The following PDE4B variants were observed in gnomAD, a reference collection of about 807,000 sequenced individuals.
PDE4B encodes the protein 3',5'-cyclic-AMP phosphodiesterase 4B.
In PDE4B, 20 loss-of-function variants were observed where a neutral mutation model predicts 82.2. That is an observed-to-expected ratio of 0.24 (90% CI 0.17 to 0.35). The LOEUF (loss-of-function observed/expected upper bound fraction) is 0.35. Among genes scored for constraint, PDE4B ranks in the 10% least tolerant of loss-of-function variants. PDE4B has a pLI of 1.00. For synonymous variants in PDE4B, 320 were observed against 318.9 expected (o/e 1.00, Z -0.04); for missense variants, 655 against 907.2 (o/e 0.72, Z 3.57).
intron 1 of PDE4B, among the ~76,000 whole-genome samples, chr1:65,800,151 A>G (rs34875040): frequency 0.096 from 14,592 of 152,222 alleles, 849 homozygotes; most frequent in South Asian, 0.15. Flanking sequence ...AAAAATTAAA[A>G]CCATAGAATG....
At chr1:66,147,462 A>G (rs1006709943) in intron 3 of PDE4B, among the ~76,000 whole-genome samples, 29 of 152,240 alleles carry the variant, frequency 1.9e-4, no homozygotes, top group African/African-American at 6.8e-4. Flanking sequence ...TGCACTGTCT[A>G]TGACACCAGC....
At chr1:65,948,288 A>C (rs898720684) in intron 3 of PDE4B, among the ~76,000 whole-genome samples, 2 of 151,780 alleles carry the variant, frequency 1.3e-5, no homozygotes, top group Non-Finnish European at 1.5e-5. Flanking sequence ...GTAATGTATT[A>C]GTCAGGGTTC....
intron 3 of PDE4B, among the ~76,000 whole-genome samples, chr1:65,990,426 T>C (rs559688095): frequency 2.6e-4 from 40 of 151,704 alleles, no homozygotes; most frequent in African/African-American, 9.4e-4. Flanking sequence ...ATTGCTGGGG[T>C]TTTTTTTGCC....
At chr1:66,290,258 C>T (rs1656971623) in intron 7 of PDE4B, among the ~76,000 whole-genome samples, 1 of 152,110 alleles carries the variant, frequency 6.6e-6, no homozygotes. Flanking sequence ...ACAGCAGGGA[C>T]ACCTGGTGAA....
At chr1:66,001,314 C>G (rs1011977825) in intron 3 of PDE4B, among the ~76,000 whole-genome samples, 5 of 152,136 alleles carry the variant, frequency 3.3e-5, no homozygotes, top group Non-Finnish European at 5.9e-5. Flanking sequence ...CTCTTTGTCT[C>G]TTTCTGTGTA....
At chr1:66,347,134 C>T (rs1661455215) in intron 8 of PDE4B, among the ~76,000 whole-genome samples, 1 of 152,166 alleles carries the variant, frequency 6.6e-6, no homozygotes, top group African/African-American at 2.4e-5. Flanking sequence ...CCAGCACTCC[C>T]TCTACTTCAT....
intron 3 of PDE4B, among the ~76,000 whole-genome samples, chr1:66,088,863 T>G (rs1330457962): frequency 6.6e-6 from 1 of 152,092 alleles, no homozygotes; most frequent in African/African-American, 2.4e-5. Context: ...GTAGAAACTT[T>G]AAGAGTTAGT....
intron 3 of PDE4B, among the ~76,000 whole-genome samples, chr1:66,103,179 C>A (rs915700190): frequency 2.0e-5 from 3 of 152,046 alleles, no homozygotes; most frequent in Admixed American, 6.6e-5. Context: ...TGAGTCTTCA[C>A]CGAAAGGTTG....
intron 1 of PDE4B, among the ~76,000 whole-genome samples, chr1:65,883,386 A>C (rs1264714195): frequency 6.6e-6 from 1 of 152,040 alleles, no homozygotes; most frequent in Non-Finnish European, 1.5e-5. Flanking sequence ...CTTGTAAGTT[A>C]GATTCCTAGG....
At chr1:66,198,323 C>G (rs114864288) in intron 3 of PDE4B, among the ~76,000 whole-genome samples, 1,959 of 152,104 alleles carry the variant, frequency 0.013, 53 homozygotes, top group African/African-American at 0.046. Flanking sequence ...ATGTGCACAG[C>G]TACTTTTTAA....
chr1:66,086,293 G>A (rs1657005674), intron 3 of PDE4B, among the ~76,000 whole-genome samples: 1 of 152,120 alleles, frequency 6.6e-6, no homozygotes, highest in African/African-American at 2.4e-5. Context: ...TTTCCTTCGT[G>A]CTAATTTAAA....
intron 1 of PDE4B, among the ~76,000 whole-genome samples, chr1:65,900,743 T>A (rs1646962626): frequency 6.6e-6 from 1 of 152,140 alleles, no homozygotes; most frequent in South Asian, 2.1e-4. Context: ...ACATTCTTGA[T>A]TTGGCTCTCA....
At chr1:66,146,220 G>A (rs1370309895) in intron 3 of PDE4B, among the ~76,000 whole-genome samples, 2 of 105,336 alleles carry the variant, frequency 1.9e-5, no homozygotes, top group African/African-American at 3.8e-5. Context: ...GTCTCACTCT[G>A]TCCCCCAAAC....
At chr1:66,205,328 T>C (rs984770479) in intron 3 of PDE4B, among the ~76,000 whole-genome samples, 9 of 152,180 alleles carry the variant, frequency 5.9e-5, no homozygotes, top group Non-Finnish European at 1.2e-4. Flanking sequence ...GTAATAAATC[T>C]CCCTTTTAAA....
chr1:66,004,347 T>G (rs1652032264), intron 3 of PDE4B, among the ~76,000 whole-genome samples: 1 of 152,176 alleles, frequency 6.6e-6, no homozygotes, highest in South Asian at 2.1e-4. Flanking sequence ...TGGTGCATCT[T>G]AAATCCATTC....
At chr1:66,099,405 T>C (rs770058158) in intron 3 of PDE4B, among the ~76,000 whole-genome samples, 2 of 152,188 alleles carry the variant, frequency 1.3e-5, no homozygotes, top group Admixed American at 6.5e-5. Flanking sequence ...TATTTGCTAT[T>C]GTGAATAGTG....
intron 3 of PDE4B, among the ~76,000 whole-genome samples, chr1:66,102,891 A>G (rs1459337263): frequency 6.6e-6 from 1 of 152,072 alleles, no homozygotes; most frequent in Non-Finnish European, 1.5e-5. Flanking sequence ...TGCCTTAAAT[A>G]TTGTTACAAT....
chr1:65,883,247 A>G (rs1306162077), intron 1 of PDE4B, among the ~76,000 whole-genome samples: 1 of 152,192 alleles, frequency 6.6e-6, no homozygotes, highest in Non-Finnish European at 1.5e-5. Flanking sequence ...TACTTTGGGC[A>G]GTATGGCCAT....
intron 3 of PDE4B, among the ~76,000 whole-genome samples, chr1:66,020,470 C>G (rs1016398181): frequency 1.3e-5 from 2 of 151,600 alleles, no homozygotes; most frequent in Non-Finnish European, 2.9e-5. Context: ...CTCCCTCCCC[C>G]CACCCCATGG....
Sources: gnomAD v4.1 joint callset for allele counts (sites outside exome capture counted in the v4.1 genomes callset) on GRCh38, gnomAD v4.1.1 for gene constraint, MANE v1.5 for transcripts, NCBI Gene and HGNC (gene_info 2026-07-23, HGNC 2026-07-21) for gene names.